NR6A1: variants seen among roughly 807,000 people sequenced by gnomAD.
NR6A1 encodes retinoic acid receptor-related testis-associated receptor.
Under a neutral mutation model 59.1 loss-of-function variants are expected in NR6A1, and 7 were observed. That is an observed-to-expected ratio of 0.12 (90% CI 0.07 to 0.22). The LOEUF (loss-of-function observed/expected upper bound fraction) is 0.22. Among genes scored for constraint, NR6A1 ranks in the 10% least tolerant of loss-of-function variants. NR6A1 has a pLI of 1.00. For synonymous variants in NR6A1, 243 were observed against 236.1 expected, an observed-to-expected ratio of 1.03 and a Z score of -0.27; for missense variants, 468 against 611.6, an observed-to-expected ratio of 0.77 and a Z score of 2.48.
chr9:124,769,667 G>A (rs1841051392), intron 1 of NR6A1, among the ~76,000 whole-genome samples: 1 of 152,232 alleles, frequency 6.6e-6, no homozygotes, highest in South Asian at 2.1e-4. Flanking sequence ...CGAGTTTATG[G>A]CGCAGCGAGG....
intron 2 of NR6A1, among the ~76,000 whole-genome samples, chr9:124,717,746 A>G (rs1839445562): frequency 6.6e-6 from 1 of 152,178 alleles, no homozygotes; most frequent in South Asian, 2.1e-4. Context: ...AAGGACATGG[A>G]CTTTGGGATC....
rs201292326 is a variant in NR6A1 at position 124,538,272 on chromosome 9, A to G, written c.644T>C (p.Met215Thr). The change falls in exon 6 of 10, where the codon ATG becomes ACG. Residue 215 changes from methionine to threonine, a missense_variant. Physicochemically the swap from Met to Thr is moderately conservative, Grantham distance 81 (BLOSUM62 -1). Transcript: ENST00000487099. Reference protein sequence around the residue: ...NGFMAFREQYMGMSVPPHYQY... With the variant: ...NGFMAFREQYTGMSVPPHYQY... The stretch of plus-strand genomic sequence containing the variant: ...GTAATGTGGAGGCACAGACATTCCC[A>G]TGTACTGTTCCCTGAAGGCCATGAA... 3.1e-6 allele frequency: 5 copies of G among 1,614,204 alleles called. No individual in the cohort carries two copies. The African/African-American group carries it at 6.7e-5, about 22-fold the overall frequency.
At chr9:124,645,559 C>T (rs1836906762) in intron 2 of NR6A1, among the ~76,000 whole-genome samples, 1 of 152,092 alleles carries the variant, frequency 6.6e-6, no homozygotes, top group Non-Finnish European at 1.5e-5. Context: ...AGGGGCATTA[C>T]TAATGATAAA....
intron 2 of NR6A1, among the ~76,000 whole-genome samples, chr9:124,570,123 T>C (rs1235403742): frequency 2.0e-5 from 3 of 152,250 alleles, no homozygotes; most frequent in Non-Finnish European, 4.4e-5. Context: ...AGCAACTCTA[T>C]GTTCACCTTA....
At chr9:124,686,704 C>CT (rs751899156) in intron 2 of NR6A1, among the ~76,000 whole-genome samples, 2,246 of 135,820 alleles carry the variant, frequency 0.017, 31 homozygotes, top group African/African-American at 0.034. Flanking sequence ...CTTTAAAAGT[C>CT]TTTTTTTTTT....
chr9:124,726,681 TTCACTTCTTC>T lies in NR6A1; in HGVS notation c.142+6617_142+6626del, dbSNP rs140814574. Among the ~76,000 whole-genome samples, 1,357 of 152,322 alleles carry T rather than the reference TTCACTTCTTC, an allele frequency of 8.9e-3. 11 individuals carry two copies. Among genetic ancestry groups the T allele is most frequent in the Non-Finnish European group, 0.012 (825 of 68,014 alleles). ...AACTTAAGCTTTGACCAAGAAATTC[TTCACTTCTTC>T]TCACTTCTTCACTTCTTCCCAATAT... is the stretch of plus-strand genomic sequence containing the variant. On this transcript the variant is annotated intron_variant, in intron 2 of 9. Coordinates refer to ENST00000487099, the MANE Select transcript of NR6A1 (RefSeq NM_033334.4).
chr9:124,715,622 C>T (rs1272802292), intron 2 of NR6A1, among the ~76,000 whole-genome samples: 2 of 151,616 alleles, frequency 1.3e-5, no homozygotes, highest in South Asian at 2.1e-4. Context: ...AGAGTCAATA[C>T]AATTCAATCA....
intron 2 of NR6A1, among the ~76,000 whole-genome samples, chr9:124,563,388 TGGCC>T (rs1834134392): frequency 2.0e-5 from 3 of 152,238 alleles, no homozygotes; most frequent in Admixed American, 2.0e-4. Context: ...TTAAACACAT[TGGCC>T]TAGCATTTCA....
chr9:124,770,118 G>C (rs749302021), intron 1 of NR6A1: 6 of 152,398 alleles, frequency 3.9e-5, no homozygotes, highest in Middle Eastern at 3.4e-3. Context: ...GTCCCGGATC[G>C]GGACAAGAAA....
chr9:124,628,834 G>A (rs1197125739), intron 2 of NR6A1, among the ~76,000 whole-genome samples: 1 of 151,618 alleles, frequency 6.6e-6, no homozygotes, highest in East Asian at 1.9e-4. Flanking sequence ...TTTGTTTTTG[G>A]ATTTTAGTAG....
At chr9:124,702,344 C>G (rs561104977) in intron 2 of NR6A1, among the ~76,000 whole-genome samples, 1 of 152,278 alleles carries the variant, frequency 6.6e-6, no homozygotes, top group Non-Finnish European at 1.5e-5. Flanking sequence ...TTCCCAGCAT[C>G]ATTTCTGGAA....
At chr9:124,715,289 G>A (rs1252061671) in intron 2 of NR6A1, among the ~76,000 whole-genome samples, 1 of 152,078 alleles carries the variant, frequency 6.6e-6, no homozygotes, top group Non-Finnish European at 1.5e-5. Context: ...TTGGGAGGCT[G>A]AGGTGAGAGG....
chr9:124,584,826 C>T (rs539396708), intron 2 of NR6A1, among the ~76,000 whole-genome samples: 14 of 152,218 alleles, frequency 9.2e-5, no homozygotes, highest in Non-Finnish European at 1.6e-4. Context: ...ACGTCTCTCA[C>T]TTTAAATCAA....
chr9:124,641,329 A>C (rs1836761941), intron 2 of NR6A1, among the ~76,000 whole-genome samples: 2 of 151,412 alleles, frequency 1.3e-5, no homozygotes, highest in African/African-American at 4.9e-5. Context: ...ATTGCACTCC[A>C]GCCTGGGCAA....
At chr9:124,638,242 G>C (rs898369941) in intron 2 of NR6A1, among the ~76,000 whole-genome samples, 3 of 150,936 alleles carry the variant, frequency 2.0e-5, no homozygotes, top group African/African-American at 7.3e-5. Context: ...GGTAGAGTGA[G>C]ACATCTGTCT....
chr9:124,647,328 AG>A (rs1220829412), intron 2 of NR6A1, among the ~76,000 whole-genome samples: 1 of 152,234 alleles, frequency 6.6e-6, no homozygotes, highest in African/African-American at 2.4e-5. Flanking sequence ...GAGACATTTC[AG>A]AAATACAAAG....
chr9:124,719,006 G>A (rs1294358806), intron 2 of NR6A1, among the ~76,000 whole-genome samples: 1 of 151,620 alleles, frequency 6.6e-6, no homozygotes, highest in Admixed American at 6.6e-5. Flanking sequence ...TATTATAAAT[G>A]CTAAAAGAAG....
intron 7 of NR6A1, among the ~76,000 whole-genome samples, chr9:124,533,655 CT>C (rs777380904): frequency 1.5e-3 from 219 of 146,208 alleles, no homozygotes; most frequent in East Asian, 0.013. Flanking sequence ...ATAGGGGCAC[CT>C]TTTTTTTTTT....
chr9:124,631,748 A>G (rs996915277), intron 2 of NR6A1, among the ~76,000 whole-genome samples: 1 of 152,204 alleles, frequency 6.6e-6, no homozygotes, highest in Non-Finnish European at 1.5e-5. Flanking sequence ...TTTGTTGTAC[A>G]GATCATTTCA....
Sources: gnomAD v4.1 joint callset for allele counts (sites outside exome capture counted in the v4.1 genomes callset) on GRCh38, gnomAD v4.1.1 for gene constraint, MANE v1.5 for transcripts, NCBI Gene and HGNC (gene_info 2026-07-23, HGNC 2026-07-21) for gene names.